The following MCF2L variants were observed in gnomAD, a reference collection of about 807,000 sequenced individuals.
MCF2L encodes MCF.2 cell line derived transforming sequence like.
A neutral mutation model predicts 153.4 loss-of-function variants in MCF2L; 97 were observed. The ratio of observed to expected loss-of-function variants is 0.63; its 90% CI spans 0.54 to 0.75. MCF2L has a LOEUF of 0.75. Among genes scored for constraint, MCF2L ranks in the 30% least tolerant of loss-of-function variants. The pLI, the probability that MCF2L is intolerant of heterozygous loss-of-function variation, is 0.00. For synonymous variants in MCF2L, 659 were observed against 632.2 expected, an observed-to-expected ratio of 1.04 and a Z score of -0.64; for missense variants, 1,347 against 1,495.2, an observed-to-expected ratio of 0.90 and a Z score of 1.64.
At chr13:113,089,813 G>A (rs1012965566) in intron 26 of MCF2L, 85 bp downstream of exon 26, 48 of 1,606,174 alleles carry the variant, frequency 3.0e-5, no homozygotes, top group South Asian at 1.7e-4. Flanking sequence ...AGAAACCTGC[G>A]CTTCCTGCAG....
At chr13:112,939,785 C>T (rs759062508) in intron 2 of MCF2L, among the ~76,000 whole-genome samples, 3 of 152,132 alleles carry the variant, frequency 2.0e-5, no homozygotes, top group East Asian at 1.9e-4. Context: ...CGAGACCAGC[C>T]GGGCCAACAT....
intron 12 of MCF2L, among the ~76,000 whole-genome samples, chr13:113,076,717 G>A (rs1305309217): frequency 6.6e-6 from 1 of 152,280 alleles, no homozygotes; most frequent in Non-Finnish European, 1.5e-5. Flanking sequence ...TGGCATGGGT[G>A]TGTTCTTCAG....
intron 2 of MCF2L, among the ~76,000 whole-genome samples, chr13:112,927,467 T>G (rs2317135): frequency 0.18 from 26,957 of 152,006 alleles, 2,660 homozygotes; most frequent in African/African-American, 0.25. Flanking sequence ...GGTCTTTGGA[T>G]AAATGACCGG....
At chr13:112,906,776 G>A (rs72660099) in intron 2 of MCF2L, among the ~76,000 whole-genome samples, 6,924 of 152,232 alleles carry the variant, frequency 0.045, 185 homozygotes, top group African/African-American at 0.056. Flanking sequence ...GAGGTGAGGT[G>A]CCCCCGGCAC....
intron 13 of MCF2L, 62 bp from the exon 14 acceptor site, chr13:113,078,301 G>A (rs988494702): frequency 1.5e-6 from 2 of 1,355,290 alleles, no homozygotes; most frequent in Non-Finnish European, 2.1e-6. Flanking sequence ...CCCGCTGGGT[G>A]CACTTCCCCT....
chr13:113,036,947 C>T (rs2086194908), intron 3 of MCF2L, among the ~76,000 whole-genome samples: 2 of 152,226 alleles, frequency 1.3e-5, no homozygotes, highest in African/African-American at 2.4e-5. Context: ...AGAAGACCTG[C>T]GTTGTAGCAA....
At chr13:112,938,627 A>C (rs546863221) in intron 2 of MCF2L, among the ~76,000 whole-genome samples, 2 of 152,342 alleles carry the variant, frequency 1.3e-5, no homozygotes, top group African/African-American at 4.8e-5. Flanking sequence ...TTTTAAACCA[A>C]AATGATCAAT....
intron 1 of MCF2L, among the ~76,000 whole-genome samples, chr13:113,004,404 C>T (rs941238316): frequency 5.3e-5 from 8 of 152,260 alleles, no homozygotes; most frequent in African/African-American, 1.9e-4. Flanking sequence ...CCTCAGTCTG[C>T]AGCCGTCACT....
intron 1 of MCF2L, among the ~76,000 whole-genome samples, chr13:112,984,552 A>G (rs549150863): frequency 4.1e-4 from 63 of 152,302 alleles, no homozygotes; most frequent in African/African-American, 1.4e-3. Context: ...AATTCTCTTC[A>G]TAAAACGTGT....
At chr13:112,957,522 C>T (rs2081772829) in intron 2 of MCF2L, 1 of 150,802 alleles carries the variant, frequency 6.6e-6, no homozygotes, top group South Asian at 2.1e-4. Flanking sequence ...CCCTGGACTC[C>T]ATGCCGCGCC....
At chr13:112,964,766 A>G (rs2081872955), upstream of MCF2L, 1 of 152,254 alleles carries the variant, frequency 6.6e-6, no homozygotes, top group Non-Finnish European at 1.5e-5. Context: ...AAAATTTGTT[A>G]CAAAGAATAG....
At chr13:113,005,416 G>A (rs886689871) in intron 1 of MCF2L, among the ~76,000 whole-genome samples, 2 of 152,230 alleles carry the variant, frequency 1.3e-5, no homozygotes, top group African/African-American at 2.4e-5. Context: ...AAGTCTGGGG[G>A]TCTGTTCGTG....
At chr13:113,081,084 T>G in intron 15 of MCF2L, 129 bp from the exon 16 acceptor site, 2 of 739,438 alleles carry the variant, frequency 2.7e-6, no homozygotes, top group Non-Finnish European at 2.1e-6. Context: ...CCTGTGGGCT[T>G]TGGGTCGCCG....
Position 113,084,815 on chromosome 13 carries a change from A to G in MCF2L, c.2062-77A>G, listed in dbSNP as rs929048772. ...TGCGGTGCCCGTCCCTCACCGCGTAATGCGGTGCCCGTCCCTCACCGCGTG... is the reference window on the plus strand; with the variant it reads ...TGCGGTGCCCGTCCCTCACCGCGTAGTGCGGTGCCCGTCCCTCACCGCGTG... On this transcript the variant is annotated intron_variant, in intron 18 of 29. Coordinates refer to ENST00000535094, the MANE Select transcript of MCF2L (RefSeq NM_001112732.3). 7 of 1,106,764 alleles carry G rather than the reference A, an allele frequency of 6.3e-6. No homozygotes were observed. In the South Asian group the frequency reaches 8.9e-5, roughly 14 times the overall value. 68.6% of individuals were successfully genotyped at this position (1,106,764 alleles called of 1,614,324 possible). A position where few individuals can be genotyped will look rare whatever the true frequency, so the allele number is the denominator to read the frequency against.
At chr13:112,988,723 G>GAC (rs2082755848) in intron 1 of MCF2L, among the ~76,000 whole-genome samples, 1 of 141,932 alleles carries the variant, frequency 7.0e-6, no homozygotes. Flanking sequence ...CTGAGCAGGG[G>GAC]ATGGAGCTAC....
intron 1 of MCF2L, among the ~76,000 whole-genome samples, chr13:112,994,447 G>A (rs1359084681): frequency 6.6e-6 from 1 of 152,260 alleles, no homozygotes; most frequent in Non-Finnish European, 1.5e-5. Context: ...CTGCCCAGGA[G>A]GCTGTCGGTG....
At chr13:113,034,686 C>T (rs2086033893) in intron 3 of MCF2L, among the ~76,000 whole-genome samples, 1 of 151,946 alleles carries the variant, frequency 6.6e-6, no homozygotes, top group Non-Finnish European at 1.5e-5. Flanking sequence ...GTCTCACCCT[C>T]ACCCTGGTCT....
intron 1 of MCF2L, among the ~76,000 whole-genome samples, chr13:112,989,624 G>A (rs1226360987): frequency 3.4e-5 from 3 of 88,696 alleles, no homozygotes; most frequent in East Asian, 2.8e-4. Context: ...GAGCTACCAC[G>A]CCCGAGTCCT....
At position 113,040,086 on chromosome 13, in the gene MCF2L, C is replaced by T. The variant is rs79437061; in HGVS notation, c.279-5185C>T. On this transcript the variant is annotated intron_variant, in intron 3 of 29. Coordinates refer to ENST00000535094, the MANE Select transcript of MCF2L (RefSeq NM_001112732.3). ...ATGAACAGACACCCTACTGCAACAA[C>T]ATGGGTGAATCCCACAATGTTGAAA... 7.4e-3 allele frequency among the ~76,000 whole-genome samples: 1,123 copies of T among 152,306 alleles called. 15 individuals are homozygous for T. Among genetic ancestry groups the T allele is most frequent in the African/African-American group, 0.026 (1,070 of 41,554 alleles).
Sources: gnomAD v4.1 joint callset for allele counts (sites outside exome capture counted in the v4.1 genomes callset) on GRCh38, gnomAD v4.1.1 for gene constraint, MANE v1.5 for transcripts, NCBI Gene and HGNC (gene_info 2026-07-23, HGNC 2026-07-21) for gene names.